Variants in CSMD1 observed in about 807,000 individuals in gnomAD.
CSMD1 encodes CUB and Sushi multiple domains 1.
Under a neutral mutation model 417.5 loss-of-function variants are expected in CSMD1, and 213 were observed. That is an observed-to-expected ratio of 0.51 (90% CI 0.46 to 0.57). The LOEUF is 0.57. CSMD1 is among the 20% of genes least tolerant of loss of function. The pLI, the probability that CSMD1 is intolerant of heterozygous loss-of-function variation, is 0.00. For missense variants in CSMD1, 6,923 were observed against 4,529.7 expected (o/e 1.53, Z -15.17); for synonymous variants, 2,862 against 1,736.8 (o/e 1.65, Z -16.11).
At chr8:4,980,932 A>G (rs1810855589) in intron 1 of CSMD1, among the ~76,000 whole-genome samples, 1 of 152,034 alleles carries the variant, frequency 6.6e-6, no homozygotes, top group African/African-American at 2.4e-5. Context: ...ATCTATCTGT[A>G]CTTTGCCCAG....
At chr8:3,226,498 G>C (rs901469141) in intron 27 of CSMD1, among the ~76,000 whole-genome samples, 1 of 149,862 alleles carries the variant, frequency 6.7e-6, no homozygotes, top group African/African-American at 2.5e-5. Flanking sequence ...CAGGAGAATC[G>C]CTTGAACCTG....
At chr8:4,018,092 G>C (rs938164762) in intron 4 of CSMD1, among the ~76,000 whole-genome samples, 13 of 152,116 alleles carry the variant, frequency 8.5e-5, no homozygotes, top group African/African-American at 2.9e-4. Flanking sequence ...GGTTATTATA[G>C]CCTATTGTAT....
chr8:4,242,256 C>G (rs1489677092), intron 3 of CSMD1, among the ~76,000 whole-genome samples: 1 of 152,072 alleles, frequency 6.6e-6, no homozygotes, highest in Non-Finnish European at 1.5e-5. Flanking sequence ...TTATAAACAT[C>G]ATCTTCTGTG....
At chr8:3,572,191 C>G (rs1168054897) in intron 10 of CSMD1, among the ~76,000 whole-genome samples, 1 of 152,170 alleles carries the variant, frequency 6.6e-6, no homozygotes, top group Non-Finnish European at 1.5e-5. Flanking sequence ...CTTCTCCACC[C>G]AGGAAGGGCG....
intron 3 of CSMD1, among the ~76,000 whole-genome samples, chr8:4,196,996 A>G (rs184434223): frequency 3.4e-4 from 51 of 152,238 alleles, no homozygotes; most frequent in African/African-American, 1.2e-3. Flanking sequence ...TATCTATTCT[A>G]CGCTTTCTAT....
At chr8:4,872,443 T>A (rs749659526) in intron 1 of CSMD1, among the ~76,000 whole-genome samples, 2 of 152,032 alleles carry the variant, frequency 1.3e-5, no homozygotes, top group Non-Finnish European at 2.9e-5. Context: ...CTGACGGTTT[T>A]ATAAGAGGAT....
chr8:4,385,227 C>G (rs1391508804), intron 3 of CSMD1, among the ~76,000 whole-genome samples: 1 of 152,156 alleles, frequency 6.6e-6, no homozygotes, highest in Non-Finnish European at 1.5e-5. Context: ...TGCACCCGGC[C>G]ACATTAAAAA....
rs146379718 is a variant in CSMD1, at chr8:3,845,302, G to A, written c.819-91260C>T. Among the ~76,000 whole-genome samples the A allele has an allele frequency of 5.9e-4, 90 of 152,284 alleles. 1 individual carries two copies. Among genetic ancestry groups the A allele is most frequent in the South Asian group, 4.6e-3 (22 of 4,820 alleles). On this transcript the variant is annotated intron_variant, in intron 5 of 69. Transcript: ENST00000635120. ...GTAGAGTGAACTCACAGAAACCTAG[G>A]TGGACTAGCCTACCACACACTGAGG...
intron 37 of CSMD1, among the ~76,000 whole-genome samples, chr8:3,180,433 G>A (rs1821250032): frequency 1.3e-5 from 2 of 152,178 alleles, no homozygotes; most frequent in East Asian, 1.9e-4. Context: ...AATCTAGGCA[G>A]AAGTCAGGAT....
At chr8:4,277,144 G>C (rs1238723157) in intron 3 of CSMD1, among the ~76,000 whole-genome samples, 1 of 151,834 alleles carries the variant, frequency 6.6e-6, no homozygotes, top group East Asian at 1.9e-4. Context: ...ACTATATAGA[G>C]CCATAGTTTA....
At chr8:3,740,588 A>G (rs1470218188) in intron 6 of CSMD1, among the ~76,000 whole-genome samples, 2 of 152,188 alleles carry the variant, frequency 1.3e-5, no homozygotes, top group East Asian at 3.9e-4. Flanking sequence ...CACAGGAAGG[A>G]GGACGAGCAG....
chr8:3,505,787 G>T (rs560923108), intron 10 of CSMD1, among the ~76,000 whole-genome samples: 1 of 152,136 alleles, frequency 6.6e-6, no homozygotes, highest in Non-Finnish European at 1.5e-5. Context: ...AGAAGGAAGA[G>T]AAAATATTTA....
intron 3 of CSMD1, among the ~76,000 whole-genome samples, chr8:4,193,877 C>A (rs748233494): frequency 6.6e-6 from 1 of 151,858 alleles, no homozygotes; most frequent in East Asian, 1.9e-4. Context: ...GAAGCCTCAG[C>A]AGAACTGGCC....
In CSMD1 at chr8:4,804,410, T is replaced by C. The variant is rs112059025; in HGVS notation, c.86-166852A>G. Among the ~76,000 whole-genome samples, 1,417 of 152,246 alleles carry C rather than the reference T, an allele frequency of 9.3e-3. 25 individuals carry two copies. Among genetic ancestry groups the C allele is most frequent in the African/African-American group, 0.033 (1,366 of 41,562 alleles). ...TAAGACGCCAAATTACAAAGCTTTCTATGCAATTACTGAATAAATTGCCAG... is the reference window on the plus strand; with the variant it reads ...TAAGACGCCAAATTACAAAGCTTTCCATGCAATTACTGAATAAATTGCCAG... On this transcript the variant is annotated intron_variant, in intron 1 of 69. Coordinates refer to ENST00000635120, the MANE Select transcript of CSMD1 (RefSeq NM_033225.6).
At chr8:3,310,189 C>A (rs1805214639) in intron 23 of CSMD1, among the ~76,000 whole-genome samples, 1 of 152,304 alleles carries the variant, frequency 6.6e-6, no homozygotes, top group Non-Finnish European at 1.5e-5. Context: ...CATCTCACTG[C>A]ATAATGCCAA....
chr8:3,761,132 T>C (rs879038872), intron 5 of CSMD1, among the ~76,000 whole-genome samples: 1 of 152,204 alleles, frequency 6.6e-6, no homozygotes, highest in Non-Finnish European at 1.5e-5. Flanking sequence ...ATTTCTCTCA[T>C]GAACATGTTT....
At chr8:3,503,877 T>G (rs1384677074) in intron 10 of CSMD1, among the ~76,000 whole-genome samples, 1 of 126,786 alleles carries the variant, frequency 7.9e-6, no homozygotes, top group Non-Finnish European at 1.6e-5. Flanking sequence ...TGGTAGCCAC[T>G]GTTCAACTCT....
chr8:4,560,888 C>T (rs1949909), intron 2 of CSMD1, among the ~76,000 whole-genome samples: 28,759 of 152,060 alleles, frequency 0.19, 3,075 homozygotes, highest in African/African-American at 0.3. Context: ...GGTGTCTCTT[C>T]CTCCTAGGAC....
At chr8:3,918,884 A>G (rs1809019099) in intron 5 of CSMD1, among the ~76,000 whole-genome samples, 1 of 152,050 alleles carries the variant, frequency 6.6e-6, no homozygotes, top group Non-Finnish European at 1.5e-5. Context: ...TGGGGAAAGA[A>G]TAGGAAGGGG....
Sources: allele counts gnomAD v4.1 joint callset (sites outside exome capture counted in the v4.1 genomes callset), GRCh38; gene constraint gnomAD v4.1.1; transcripts MANE v1.5; gene names NCBI Gene and HGNC (gene_info 2026-07-23, HGNC 2026-07-21).